SPAG9: variants seen among roughly 807,000 people sequenced by gnomAD.
The protein encoded by SPAG9 is C-Jun-amino-terminal kinase-interacting protein 4.
A neutral mutation model predicts 166.5 loss-of-function variants in SPAG9; 35 were observed. The ratio of observed to expected loss-of-function variants is 0.21; its 90% confidence interval spans 0.16 to 0.28. The LOEUF is 0.28. Ranked by LOEUF, SPAG9 falls within the 10% of genes least tolerant of loss-of-function variation. SPAG9 has a pLI of 1.00. For missense variants in SPAG9, 1,235 were observed against 1,603.3 expected (o/e 0.77, Z 3.92); for synonymous variants, 534 against 565.5 (o/e 0.94, Z 0.79).
intron 2 of SPAG9, among the ~76,000 whole-genome samples, chr17:51,062,477 G>A (rs578194202): frequency 2.5e-4 from 38 of 152,170 alleles, no homozygotes; most frequent in Non-Finnish European, 4.1e-4. Flanking sequence ...TCTTTTTACT[G>A]TCTCCATAGT....
chr17:51,011,273 A>T (rs888464072), intron 9 of SPAG9, among the ~76,000 whole-genome samples: 1 of 151,890 alleles, frequency 6.6e-6, no homozygotes, highest in Admixed American at 6.6e-5. Context: ...GACAGCCTAC[A>T]CAACGTAGTG....
At chr17:51,064,513 G>A (rs974665270) in intron 2 of SPAG9, among the ~76,000 whole-genome samples, 1 of 152,096 alleles carries the variant, frequency 6.6e-6, no homozygotes, top group African/African-American at 2.4e-5. Context: ...AATATTATCC[G>A]GTTATGAAAA....
chr17:51,007,778 G>T (rs908057205), intron 9 of SPAG9: 2 of 428,544 alleles, frequency 4.7e-6, no homozygotes, highest in African/African-American at 4.2e-5. Flanking sequence ...CTTATTAATA[G>T]AGAACAGGCA....
chr17:51,045,485 C>T (rs189008137), intron 4 of SPAG9, among the ~76,000 whole-genome samples: 2 of 152,068 alleles, frequency 1.3e-5, no homozygotes, highest in Admixed American at 1.3e-4. Flanking sequence ...TCTGGGCTTT[C>T]AACTAATATT....
intron 21 of SPAG9, among the ~76,000 whole-genome samples, chr17:50,989,212 A>G (rs1975328263): frequency 6.6e-6 from 1 of 152,222 alleles, no homozygotes; most frequent in Admixed American, 6.5e-5. Context: ...GCATGTTTAC[A>G]TACACAAATA....
intron 28 of SPAG9, among the ~76,000 whole-genome samples, chr17:50,974,071 TG>T (rs1597882574): frequency 6.6e-6 from 1 of 152,208 alleles, no homozygotes; most frequent in East Asian, 1.9e-4. Context: ...TTGCCTCTTA[TG>T]GGAAAAAAAA....
chr17:51,092,754 AAAAAAAAAAAAAAG>A (rs2048503692), intron 1 of SPAG9, among the ~76,000 whole-genome samples: 2 of 141,796 alleles, frequency 1.4e-5, no homozygotes, highest in Admixed American at 1.5e-4. Flanking sequence ...GTCTCTACAA[AAAAAAAAAAAAAAG>A]AAAAAAAGAA....
At position 50,987,182 on chromosome 17, in the gene SPAG9, A is replaced by G; in HGVS notation, c.2869T>C (p.Leu957=). Residue 957 remains leucine, a synonymous_variant, in exon 22 of 30, where the codon TTG becomes CTG. Transcript: ENST00000262013. The part of the protein sequence containing the change: ...QISVLPNEQD[L]VREEAQKMSS... The stretch of plus-strand genomic sequence containing the variant: ...ATTTTCTGGGCTTCTTCTCTCACCA[A>G]GTCTTGTTCATTTGGCAGTACTGAT... 6.2e-7 allele frequency: 1 copy of G among 1,613,462 alleles called. No homozygotes were observed. The highest frequency in any genetic ancestry group is 8.5e-7 in the Non-Finnish European group (1 of 1,179,692).
chr17:51,000,490 T>C (rs574005547), intron 13 of SPAG9, among the ~76,000 whole-genome samples: 1 of 152,184 alleles, frequency 6.6e-6, no homozygotes, highest in African/African-American at 2.4e-5. Context: ...TCCCAGCACT[T>C]TGGGAGGCCG....
chr17:50,991,184 G>A (rs1449542258), intron 19 of SPAG9, among the ~76,000 whole-genome samples: 4 of 151,904 alleles, frequency 2.6e-5, no homozygotes, highest in Non-Finnish European at 4.4e-5. Context: ...TTACAGGTGC[G>A]AGCCACCACG....
rs1373355878 is a variant in SPAG9, at chr17:50,966,280, T to A, written c.3958A>T (p.Asn1320Tyr). The change falls in exon 30 of 30, where the codon AAT becomes TAT. Residue 1320 changes from asparagine to tyrosine, a missense_variant. Physicochemically the swap from Asn to Tyr is moderately radical, Grantham distance 143. Transcript: ENST00000262013. Reference protein sequence around the residue: ...HLIVWQVMYGNE With the variant: ...HLIVWQVMYGYE ...ACCTGTTTCCCATGGGCTCACTCAT[T>A]GCCATACATCACTTGCCACACTATC... 6.2e-7 allele frequency: 1 copy of A among 1,605,874 alleles called. No individual in the cohort carries two copies. The highest frequency in any genetic ancestry group is 8.5e-7 in the Non-Finnish European group (1 of 1,172,552).
At chr17:51,096,771 A>C (rs1024494295) in intron 1 of SPAG9, among the ~76,000 whole-genome samples, 5 of 152,230 alleles carry the variant, frequency 3.3e-5, no homozygotes, top group African/African-American at 1.2e-4. Flanking sequence ...AAAAAAAATA[A>C]AATGCAAGAT....
intron 1 of SPAG9, among the ~76,000 whole-genome samples, chr17:51,106,522 C>T (rs542166126): frequency 6.6e-6 from 1 of 152,190 alleles, no homozygotes; most frequent in African/African-American, 2.4e-5. Context: ...TTCTGCCAGG[C>T]GCGGTGGCTC....
In SPAG9 at chr17:50,995,124, T is replaced by A. The variant is rs1196552136; in HGVS notation, c.2159A>T (p.Asp720Val). 1.9e-6 allele frequency: 3 copies of A among 1,614,118 alleles called. No homozygotes were observed. In the East Asian group the frequency reaches 6.7e-5, roughly 36 times the overall value. ...ACTTCGCTGTTTACTGCCTTCTGTA[T>A]CCAAACCAGCAACATCCTTGTAAAA... ...SVFYKDVAGLDTEGSKQRSAS... is the reference protein window; with the variant it reads ...SVFYKDVAGLVTEGSKQRSAS... Residue 720 changes from aspartate to valine, a missense_variant, in exon 18 of 30, where the codon GAT becomes GTT. Asp to Val is a radical substitution (Grantham distance 152). Coordinates refer to ENST00000262013, the MANE Select transcript of SPAG9 (RefSeq NM_001130528.3).
chr17:51,047,448 G>A lies in SPAG9; in HGVS notation c.517C>T (p.His173Tyr). 1 of 1,564,632 alleles carries A rather than the reference G, an allele frequency of 6.4e-7. No homozygotes were observed. The highest frequency in any genetic ancestry group is 8.7e-7 in the Non-Finnish European group (1 of 1,145,732). Reference protein sequence around the residue: ...HTEMIHNYMEHLERTKLHQLS... With the variant: ...HTEMIHNYMEYLERTKLHQLS... ...TGATGAAGTTTTGTTCTTTCTAAAT[G>A]TTCCATATAATTATGGATCATCTAT... is the stretch of plus-strand genomic sequence containing the variant. The change falls in exon 4 of 30, where the codon CAT becomes TAT. Residue 173 changes from histidine to tyrosine, a missense_variant. Physicochemically the swap from His to Tyr is moderately conservative, Grantham distance 83. This residue lies in a region of SPAG9 where 288 missense variants were observed against 323.7 expected (regional missense o/e 0.89). Coordinates refer to ENST00000262013, the MANE Select transcript of SPAG9 (RefSeq NM_001130528.3).
chr17:50,971,082 G>A (rs983194177), intron 28 of SPAG9, among the ~76,000 whole-genome samples: 96 of 152,288 alleles, frequency 6.3e-4, no homozygotes, highest in African/African-American at 2.2e-3. Flanking sequence ...AGAGGCCGAA[G>A]TGGGAGAATC....
chr17:51,069,569 CTTAT>C (rs985477094), intron 2 of SPAG9, among the ~76,000 whole-genome samples: 3 of 151,774 alleles, frequency 2.0e-5, no homozygotes, highest in African/African-American at 4.8e-5. Context: ...TGTTTTAAGC[CTTAT>C]TTAATTCCTT....
At chr17:50,983,992 G>A (rs1310035728) in intron 24 of SPAG9, among the ~76,000 whole-genome samples, 5 of 152,070 alleles carry the variant, frequency 3.3e-5, no homozygotes, top group Non-Finnish European at 7.4e-5. Context: ...GAGATTTTGG[G>A]AAAAGCTTTT....
chr17:51,041,419 A>G, intron 5 of SPAG9, 82 bp downstream of exon 5: 1 of 1,306,294 alleles, frequency 7.7e-7, no homozygotes, highest in Non-Finnish European at 1.1e-6. Context: ...ATTTTACTAT[A>G]CTGTGGTCGT....
Sources: allele counts gnomAD v4.1 joint callset (sites outside exome capture counted in the v4.1 genomes callset), GRCh38; gene constraint gnomAD v4.1.1; regional missense constraint gnomAD v4.1.1; transcripts MANE v1.5; gene names NCBI Gene and HGNC (gene_info 2026-07-23, HGNC 2026-07-21).